The following CENPX variants were observed in gnomAD, a reference collection of about 807,000 sequenced individuals.
CENPX encodes FANCM associated histone fold protein 2.
A neutral mutation model predicts 13.2 loss-of-function variants in CENPX; 13 were observed. That is an observed-to-expected ratio of 0.98 (90% CI 0.64 to 1.56). The LOEUF is 1.56. CENPX is among the 40% of genes most tolerant of loss of function. The probability of loss-of-function intolerance (pLI) is 0.00; values close to 1 mark genes in which losing one functional copy is unlikely to be tolerated. For synonymous variants in CENPX, 66 were observed against 47.2 expected (o/e 1.40, Z -1.63); for missense variants, 138 against 107.5 (o/e 1.28, Z -1.26).
intron 1 of CENPX, among the ~76,000 whole-genome samples, 173 bp from the exon 2 acceptor site, chr17:82,020,082 T>G (rs1332324541): frequency 6.6e-6 from 1 of 152,146 alleles, no homozygotes; most frequent in Non-Finnish European, 1.5e-5. Flanking sequence ...TGGCAGAAGC[T>G]GAAGCAGATG....
chr17:82,019,734 C>G (rs1374187588), intron 2 of CENPX, 40 bp from the exon 3 acceptor site: 2 of 1,550,112 alleles, frequency 1.3e-6, no homozygotes, highest in African/African-American at 1.4e-5. Context: ...CCTCACCCAC[C>G]GCTCTGGCTG....
intron 1 of CENPX, among the ~76,000 whole-genome samples, chr17:82,020,709 T>C (rs2043265767): frequency 6.6e-6 from 1 of 152,060 alleles, no homozygotes; most frequent in South Asian, 2.1e-4. Context: ...TTTCTGCCTT[T>C]CTGATGGATG....
chr17:82,022,531 C>T lies in CENPX; in HGVS notation c.36+295G>A, dbSNP rs1241553171. On this transcript the variant is annotated intron_variant, in intron 1 of 4. Coordinates refer to ENST00000392359, the MANE Select transcript of CENPX (RefSeq NM_001271006.2). Reference sequence around the variant, plus strand: ...GCGCAGGGCGGCGGCCCAGCTCCTCCTCTCTCTTCGCCGGCTTGGACTCCG... The same window carrying T: ...GCGCAGGGCGGCGGCCCAGCTCCTCTTCTCTCTTCGCCGGCTTGGACTCCG... The T allele has an allele frequency of 9.2e-6, 5 of 541,792 alleles. No homozygotes were observed. In the Admixed American group the frequency reaches 1.7e-4, roughly 19 times the overall value. 33.6% of individuals were successfully genotyped at this position (541,792 alleles called of 1,614,324 possible). A position where few individuals can be genotyped will look rare whatever the true frequency, so the allele number is the denominator to read the frequency against.
chr17:82,019,398 G>A lies in CENPX; in HGVS notation c.143-17C>T, dbSNP rs1419833540. On this transcript the variant is annotated splice_polypyrimidine_tract_variant and intron_variant, in intron 3 of 4. Transcript: ENST00000392359. ...CTGCTGCTTCTGCGGTGAGAAACGC[G>A]AGAGGTGGGGGATGCTGGGGGGATC... The A allele has an allele frequency of 1.7e-5, 26 of 1,538,562 alleles. No individual in the cohort carries two copies. Among genetic ancestry groups the A allele is most frequent in the African/African-American group, 4.1e-5 (3 of 73,176 alleles).
intron 1 of CENPX, among the ~76,000 whole-genome samples, chr17:82,022,215 C>T (rs907777389): frequency 1.3e-5 from 2 of 152,236 alleles, no homozygotes; most frequent in Admixed American, 1.3e-4. Flanking sequence ...TGGGCGGATC[C>T]TGGCTCAGAC....
Position 82,019,369 on chromosome 17 carries a change from C to G in CENPX, c.155G>C (p.Arg52Pro). 1 of 1,555,146 alleles carries G rather than the reference C, an allele frequency of 6.4e-7. No individual in the cohort carries two copies. The highest frequency in any genetic ancestry group is 8.7e-7 in the Non-Finnish European group (1 of 1,152,102). The change falls in exon 4 of 5, where the codon CGC (arginine) becomes CCC (proline). Residue 52 changes from arginine to proline, a missense_variant. Coordinates refer to ENST00000392359, the MANE Select transcript of CENPX (RefSeq NM_001271006.2). ...TTCTGCCTGGGCCTGCCGCACGCCG[C>G]GGACTGCTGCTTCTGCGGTGAGAAA... is the stretch of plus-strand genomic sequence containing the variant. ...LKVFVVEAAV[R>P]GVRQAQAEDA...
At position 82,020,352 on chromosome 17, in the gene CENPX, A is replaced by G. The variant is rs113590258; in HGVS notation, c.37-443T>C. On this transcript the variant is annotated intron_variant, in intron 1 of 4. Coordinates refer to ENST00000392359, the MANE Select transcript of CENPX (RefSeq NM_001271006.2). The stretch of plus-strand genomic sequence containing the variant: ...TGGAGGCTGGAGGTGGCTGCTCTGC[A>G]GGTGGGCTGGCCTGAGGGAGTGCCA... Among the ~76,000 whole-genome samples the G allele has an allele frequency of 8.4e-3, 1,286 of 152,334 alleles. 19 individuals carry two copies. The highest frequency in any genetic ancestry group is 0.03 in the African/African-American group (1,240 of 41,576).
intron 1 of CENPX, among the ~76,000 whole-genome samples, chr17:82,020,338 G>A (rs2043259694): frequency 6.6e-6 from 1 of 152,242 alleles, no homozygotes; most frequent in African/African-American, 2.4e-5. Flanking sequence ...GGAGGCTGGA[G>A]GTGGCTGCTC....
intron 2 of CENPX, 34 bp from the exon 3 acceptor site, chr17:82,019,728 A>G: frequency 6.5e-7 from 1 of 1,550,014 alleles, no homozygotes; most frequent in South Asian, 1.2e-5. Context: ...CGGGACCCTC[A>G]CCCACCGCTC....
chr17:82,022,615 C>T (rs1260487016), intron 1 of CENPX: 2 of 607,966 alleles, frequency 3.3e-6, no homozygotes, highest in Admixed American at 3.0e-5. Context: ...CCCGCAGCCC[C>T]GGCTGCTCCA....
intron 1 of CENPX, 145 bp from the exon 2 acceptor site, chr17:82,020,054 C>T (rs2043254194): frequency 1.3e-6 from 1 of 783,258 alleles, no homozygotes; most frequent in African/African-American, 1.8e-5. Flanking sequence ...GGGACAAGGG[C>T]CAGCCTAGTG....
intron 2 of CENPX, 32 bp downstream of exon 2, chr17:82,019,826 G>T: frequency 6.3e-7 from 1 of 1,599,280 alleles, no homozygotes; most frequent in South Asian, 1.1e-5. Flanking sequence ...CAGACACGGG[G>T]ACCCACCTCC....
At chr17:82,021,468 G>C (rs1159742091) in intron 1 of CENPX, among the ~76,000 whole-genome samples, 2 of 152,262 alleles carry the variant, frequency 1.3e-5, no homozygotes, top group Non-Finnish European at 2.9e-5. Context: ...CGGATGCCAG[G>C]TCTGCCTCGA....
intron 1 of CENPX, among the ~76,000 whole-genome samples, chr17:82,020,697 C>A (rs2043265633): frequency 6.6e-6 from 1 of 152,168 alleles, no homozygotes; most frequent in Non-Finnish European, 1.5e-5. Context: ...AGAGCCAGGG[C>A]CTTTCTGCCT....
intron 1 of CENPX, among the ~76,000 whole-genome samples, chr17:82,021,401 C>T (rs995980694): frequency 6.6e-6 from 1 of 152,250 alleles, no homozygotes; most frequent in Non-Finnish European, 1.5e-5. Flanking sequence ...CCACCTGCTC[C>T]GGGACCCCCA....
intron 1 of CENPX, 29 bp from the exon 2 acceptor site, chr17:82,019,938 G>GCCC: frequency 1.3e-6 from 2 of 1,533,872 alleles, no homozygotes; most frequent in South Asian, 2.5e-5. Context: ...TCAGCGCCAC[G>GCCC]CCCCGCCCTC....
chr17:82,020,948 G>A (rs950494454), intron 1 of CENPX, among the ~76,000 whole-genome samples: 9 of 152,186 alleles, frequency 5.9e-5, no homozygotes, highest in African/African-American at 1.2e-4. Flanking sequence ...TCAGTGAGGT[G>A]GCCCAGGCCA....
intron 1 of CENPX, among the ~76,000 whole-genome samples, chr17:82,021,118 A>G (rs995513094): frequency 6.6e-6 from 1 of 152,144 alleles, no homozygotes; most frequent in Non-Finnish European, 1.5e-5. Flanking sequence ...AGGTCACAGC[A>G]CCTCACCCAG....
intron 1 of CENPX, 84 bp downstream of exon 1, chr17:82,022,742 G>C: frequency 6.8e-7 from 1 of 1,459,930 alleles, no homozygotes; most frequent in East Asian, 2.5e-5. Flanking sequence ...CGGCGCGGGG[G>C]CTGGCGTCTG....
Sources: gnomAD v4.1 joint callset for allele counts (sites outside exome capture counted in the v4.1 genomes callset) on GRCh38, gnomAD v4.1.1 for gene constraint, MANE v1.5 for transcripts, NCBI Gene and HGNC (gene_info 2026-07-23, HGNC 2026-07-21) for gene names.